The following PLPPR2 variants were observed in gnomAD, a reference collection of about 807,000 sequenced individuals.
PLPPR2 encodes phospholipid phosphatase related 2, also known as phospholipid phosphatase-related protein type 2.
In PLPPR2, 11 loss-of-function variants were observed where a neutral mutation model predicts 40.3. The observed-to-expected ratio is 0.27, with a 90% CI of 0.17 to 0.45. The LOEUF (loss-of-function observed/expected upper bound fraction) is 0.45. PLPPR2 is among the 20% of genes least tolerant of loss of function. The pLI is 1.00. For synonymous variants in PLPPR2, 260 were observed against 290.8 expected, an observed-to-expected ratio of 0.89 and a Z score of 1.08; for missense variants, 497 against 640.7, an observed-to-expected ratio of 0.78 and a Z score of 2.42.
chr19:11,358,582 A>G (rs1013625143), intron 3 of PLPPR2, among the ~76,000 whole-genome samples: 3 of 148,120 alleles, frequency 2.0e-5, no homozygotes, highest in Non-Finnish European at 3.0e-5. Flanking sequence ...CCCTCTCTCT[A>G]CAACTCCCTT....
At position 11,355,453 on chromosome 19, in the gene PLPPR2, C is replaced by G. The variant is rs995896811; in HGVS notation, c.-309C>G. 1.3e-5 allele frequency: 2 copies of G among 152,464 alleles called. No homozygotes were observed. Among genetic ancestry groups the G allele is most frequent in the African/African-American group, 4.8e-5 (2 of 41,462 alleles). 9.4% of individuals were successfully genotyped at this position (152,464 alleles called of 1,614,324 possible). On this transcript the variant is annotated 5_prime_UTR_variant, in exon 1 of 10. Transcript: ENST00000688289. Reference sequence around the variant, plus strand: ...CGGAGTCTGCGCGGCGCGGCCAGGCCCGGCCGACCGCGTCTCGGTCTTCGC... The same window carrying G: ...CGGAGTCTGCGCGGCGCGGCCAGGCGCGGCCGACCGCGTCTCGGTCTTCGC...
intron 3 of PLPPR2, among the ~76,000 whole-genome samples, chr19:11,358,645 T>A (rs1967958517): frequency 6.6e-6 from 1 of 151,038 alleles, no homozygotes. Flanking sequence ...CTCCCCTCCT[T>A]TCCTGGCTTT....
In PLPPR2 at chr19:11,359,284, G is replaced by A. The variant is rs889360532; in HGVS notation, c.67-248G>A. ...AGTGCTGGAATTACAGGCACGAGCC[G>A]CTGCACACGGCCCCTCTGTTTCTGT... is the stretch of plus-strand genomic sequence containing the variant. On this transcript the variant is annotated intron_variant, in intron 3 of 9. Transcript: ENST00000688289. The surrounding 1 kb of genome is among the most constrained non-coding windows in gnomAD (Gnocchi z 5.6). Among the ~76,000 whole-genome samples the A allele has an allele frequency of 2.0e-5, 3 of 152,094 alleles. No homozygotes were observed. The highest frequency in any genetic ancestry group is 4.8e-5 in the African/African-American group (2 of 41,414).
chr19:11,358,855 C>T (rs1221404189), intron 3 of PLPPR2, among the ~76,000 whole-genome samples: 2 of 151,720 alleles, frequency 1.3e-5, no homozygotes, highest in Non-Finnish European at 2.9e-5. Flanking sequence ...GTTGGGAGTA[C>T]AGGCGTCTGC....
At chr19:11,356,707 A>G in intron 1 of PLPPR2, 95 bp from the exon 2 acceptor site, 1 of 146,626 alleles carries the variant, frequency 6.8e-6, no homozygotes, top group Non-Finnish European at 1.5e-5. Flanking sequence ...GCCAGGATGG[A>G]GGCTGCGGCT....
rs1374080592 is a variant in PLPPR2, at chr19:11,361,594, T to A, written c.663+106T>A. ...AGCCTCTGCTCTTCCACGCCCCGGGTGCTGTTGGAAGCTCTCGCTCCACGC... is the reference window on the plus strand; with the variant it reads ...AGCCTCTGCTCTTCCACGCCCCGGGAGCTGTTGGAAGCTCTCGCTCCACGC... On this transcript the variant is annotated intron_variant, in intron 6 of 9. Coordinates refer to ENST00000688289, the MANE Select transcript of PLPPR2 (RefSeq NM_001393892.1). This position sits in a 1 kb window ranked among gnomAD's most constrained non-coding sequence, Gnocchi z 6.3. 6 of 1,456,754 alleles carry A rather than the reference T, an allele frequency of 4.1e-6. No homozygotes were observed. Among genetic ancestry groups the A allele is most frequent in the Non-Finnish European group, 5.5e-6 (6 of 1,094,460 alleles). The allele number at this position is 1,456,754 out of a possible 1,614,324, so 90.2% of individuals were successfully genotyped here. A position where few individuals can be genotyped will look rare whatever the true frequency, so the allele number is the denominator to read the frequency against.
In PLPPR2 at chr19:11,362,333, G is replaced by T; in HGVS notation, c.664-180G>T. The stretch of plus-strand genomic sequence containing the variant: ...CTCAATCCCTGACCCCCCCCCCTTT[G>T]CCTTTTTGGTCACGCTCCCTGGAAA... On this transcript the variant is annotated intron_variant, in intron 6 of 9. Coordinates refer to ENST00000688289, the MANE Select transcript of PLPPR2 (RefSeq NM_001393892.1). This position sits in a 1 kb window ranked among gnomAD's most constrained non-coding sequence, Gnocchi z 5.3. The T allele has an allele frequency of 3.4e-5, 18 of 534,846 alleles. No individual in the cohort carries two copies. Among genetic ancestry groups the T allele is most frequent in the South Asian group, 5.0e-5 (2 of 40,344 alleles). 33.1% of individuals were successfully genotyped at this position (534,846 alleles called of 1,614,324 possible). A position where few individuals can be genotyped will look rare whatever the true frequency, so the allele number is the denominator to read the frequency against.
In PLPPR2 at chr19:11,364,985, A is replaced by C; in HGVS notation, c.*295A>C. ...GAGAACCCCTGGTTCTCAGAATTTT[A>C]ACCAAAAGGAGTTGGCTCCAACCAA... On this transcript the variant is annotated 3_prime_UTR_variant, in exon 10 of 10. Transcript: ENST00000688289. This position sits in a 1 kb window ranked among gnomAD's most constrained non-coding sequence, Gnocchi z 5.8. The C allele has an allele frequency of 2.2e-6, 1 of 447,276 alleles. No individual in the cohort carries two copies. 27.7% of individuals were successfully genotyped at this position (447,276 alleles called of 1,614,324 possible). A position where few individuals can be genotyped will look rare whatever the true frequency, so the allele number is the denominator to read the frequency against.
At chr19:11,355,879 G>T (rs1192166688) in intron 1 of PLPPR2, among the ~76,000 whole-genome samples, 2 of 152,134 alleles carry the variant, frequency 1.3e-5, no homozygotes, top group Admixed American at 1.3e-4. Flanking sequence ...CGGGAGGTCC[G>T]CGGGTGTGTG....
rs1967994146 is a variant in PLPPR2, at chr19:11,359,823, C to A, written c.258C>A (p.Ile86=). ...ALVTAGPTLT[I]LLGELARAFF... is the part of the protein sequence containing the mutation. ...CTCCATCTTGGTCTTGCCCACAGAT[C>A]CTGCTGGGAGAGCTGGCGCGTGCCT... The change falls in exon 5 of 10, where the codon ATC becomes ATA. Residue 86 remains isoleucine (I), a splice_region_variant and synonymous_variant. Coordinates refer to ENST00000688289, the MANE Select transcript of PLPPR2 (RefSeq NM_001393892.1). This position sits in a 1 kb window ranked among gnomAD's most constrained non-coding sequence, Gnocchi z 5.6. The A allele has an allele frequency of 6.2e-7, 1 of 1,610,138 alleles. No homozygotes were observed. The highest frequency in any genetic ancestry group is 8.5e-7 in the Non-Finnish European group (1 of 1,177,198).
chr19:11,364,333 C>T lies in PLPPR2; in HGVS notation c.1016-14C>T, dbSNP rs746278508. The stretch of plus-strand genomic sequence containing the variant: ...AGTTTTCTGATCCCCTGATATCTGG[C>T]TTCTGACCACCAGAGTCGCAGAACT... On this transcript the variant is annotated splice_polypyrimidine_tract_variant and intron_variant, in intron 9 of 9. Transcript: ENST00000688289. The surrounding 1 kb of genome is among the most constrained non-coding windows in gnomAD (Gnocchi z 5.8). The T allele has an allele frequency of 1.3e-6, 2 of 1,519,136 alleles. No homozygotes were observed. The highest frequency in any genetic ancestry group is 1.3e-5 in the South Asian group (1 of 75,614). 94.1% of individuals were successfully genotyped at this position (1,519,136 alleles called of 1,614,324 possible).
At position 11,364,480 on chromosome 19, in the gene PLPPR2, A is replaced by G; in HGVS notation, c.1149A>G (p.Leu383=). The G allele has an allele frequency of 2.0e-6, 3 of 1,513,828 alleles. No individual in the cohort carries two copies. The highest frequency in any genetic ancestry group is 2.6e-6 in the Non-Finnish European group (3 of 1,136,720). 93.8% of individuals were successfully genotyped at this position (1,513,828 alleles called of 1,614,324 possible). ...RSEPTPLPLP[L]PLPAPTPSQG... ...AGCCGACGCCCTTGCCCCTGCCCCTACCCCTGCCAGCGCCCACCCCCAGCC... is the reference window on the plus strand; with the variant it reads ...AGCCGACGCCCTTGCCCCTGCCCCTGCCCCTGCCAGCGCCCACCCCCAGCC... The change falls in exon 10 of 10, where the codon CTA becomes CTG. Residue 383 remains leucine (L), a synonymous_variant. Coordinates refer to ENST00000688289, the MANE Select transcript of PLPPR2 (RefSeq NM_001393892.1). The surrounding 1 kb of genome is among the most constrained non-coding windows in gnomAD (Gnocchi z 5.8).
In PLPPR2 at chr19:11,361,143, G is replaced by A; in HGVS notation, c.392-74G>A. 1 of 1,515,140 alleles carries A rather than the reference G, an allele frequency of 6.6e-7. No individual in the cohort carries two copies. Among genetic ancestry groups the A allele is most frequent in the Non-Finnish European group, 8.8e-7 (1 of 1,130,764 alleles). 93.9% of individuals were successfully genotyped at this position (1,515,140 alleles called of 1,614,324 possible). A position where few individuals can be genotyped will look rare whatever the true frequency, so the allele number is the denominator to read the frequency against. On this transcript the variant is annotated intron_variant, in intron 5 of 9. Coordinates refer to ENST00000688289, the MANE Select transcript of PLPPR2 (RefSeq NM_001393892.1). The surrounding 1 kb of genome is among the most constrained non-coding windows in gnomAD (Gnocchi z 6.3). The stretch of plus-strand genomic sequence containing the variant: ...TTAATGACAGTCACAGGAAAAGGGA[G>A]CTAAGAGGCCCAATGGAATCAGTGG...
intron 3 of PLPPR2, 65 bp downstream of exon 3, chr19:11,357,804 T>C (rs1967931246): frequency 7.5e-7 from 1 of 1,330,186 alleles, no homozygotes; most frequent in Non-Finnish European, 1.0e-6. Flanking sequence ...AACCTCAGTC[T>C]CCTTATCTGT....
In PLPPR2 at chr19:11,362,726, C is replaced by T; in HGVS notation, c.840+37C>T. The T allele has an allele frequency of 6.3e-7, 1 of 1,589,660 alleles. No homozygotes were observed. The highest frequency in any genetic ancestry group is 8.6e-7 in the Non-Finnish European group (1 of 1,166,062). On this transcript the variant is annotated intron_variant, in intron 7 of 9. Transcript: ENST00000688289. This position sits in a 1 kb window ranked among gnomAD's most constrained non-coding sequence, Gnocchi z 5.3. ...CCTCAACCTTCCCAGCATGGAAGAC[C>T]CTCACCAGCTCTCTGACCCAAGAGG...
chr19:11,362,799 C>T lies in PLPPR2; in HGVS notation c.840+110C>T, dbSNP rs1968088185. On this transcript the variant is annotated intron_variant, in intron 7 of 9. Coordinates refer to ENST00000688289, the MANE Select transcript of PLPPR2 (RefSeq NM_001393892.1). This position sits in a 1 kb window ranked among gnomAD's most constrained non-coding sequence, Gnocchi z 5.3. ...GTGTGGACTCTGTGTGACCTTGGGCCAATCCCTTAACATTACCCTTCCTGG... is the reference window on the plus strand; with the variant it reads ...GTGTGGACTCTGTGTGACCTTGGGCTAATCCCTTAACATTACCCTTCCTGG... 5.7e-6 allele frequency: 7 copies of T among 1,218,770 alleles called. No individual in the cohort carries two copies. Among genetic ancestry groups the T allele is most frequent in the Non-Finnish European group, 7.9e-6 (7 of 885,220 alleles). The allele number at this position is 1,218,770 out of a possible 1,614,324, so 75.5% of individuals were successfully genotyped here.
Position 11,361,468 on chromosome 19 carries a change from T to C in PLPPR2, c.643T>C (p.Tyr215His). 1 of 1,601,250 alleles carries C rather than the reference T, an allele frequency of 6.2e-7. No homozygotes were observed. The change falls in exon 6 of 10, where the codon TAC (tyrosine) becomes CAC (histidine). Residue 215 changes from tyrosine to histidine, a missense_variant. Physicochemically the swap from Tyr to His is moderately conservative, Grantham distance 83 (BLOSUM62 2). Transcript: ENST00000688289. This position sits in a 1 kb window ranked among gnomAD's most constrained non-coding sequence, Gnocchi z 6.3. ...CTGCAAGGATGCGGCCCTCTGCGCC[T>C]ACGCGGTCACCTACACAGCGGTGAG... ...FPCKDAALCA[Y>H]AVTYTAMYVT...
intron 5 of PLPPR2, among the ~76,000 whole-genome samples, chr19:11,360,357 A>G (rs543838007): frequency 6.6e-6 from 1 of 151,826 alleles, no homozygotes; most frequent in Admixed American, 6.6e-5. Flanking sequence ...AGCCCCAGCT[A>G]CTTGGGAGGC....
Position 11,364,110 on chromosome 19 carries a change from C to T in PLPPR2, c.964-51C>T, listed in dbSNP as rs763277272. Reference sequence around the variant, plus strand: ...CTGATGAGCTCCTTGTGGCTGTGGCCGGTAGGGCCCAGGGGGCCACTAGCC... The same window carrying T: ...CTGATGAGCTCCTTGTGGCTGTGGCTGGTAGGGCCCAGGGGGCCACTAGCC... On this transcript the variant is annotated intron_variant, in intron 8 of 9. Coordinates refer to ENST00000688289, the MANE Select transcript of PLPPR2 (RefSeq NM_001393892.1). This position sits in a 1 kb window ranked among gnomAD's most constrained non-coding sequence, Gnocchi z 5.8. The T allele has an allele frequency of 8.9e-6, 14 of 1,565,348 alleles. No homozygotes were observed. In the East Asian group the frequency reaches 1.8e-4, roughly 20 times the overall value.
Sources: allele counts gnomAD v4.1 joint callset (sites outside exome capture counted in the v4.1 genomes callset), GRCh38; gene constraint gnomAD v4.1.1; non-coding constraint Gnocchi (gnomAD v3.1); transcripts MANE v1.5; gene names NCBI Gene and HGNC (gene_info 2026-07-23, HGNC 2026-07-21).